IL13RA1: variants seen among roughly 807,000 people sequenced by gnomAD.
IL13RA1 encodes interleukin-13 receptor subunit alpha-1.
IL13RA1 carries 14 observed loss-of-function variants against 33.8 expected under a neutral mutation model. That is an observed-to-expected ratio of 0.41 (90% CI 0.27 to 0.65). The LOEUF is 0.65. Ranked by LOEUF, IL13RA1 falls within the 30% of genes least tolerant of loss-of-function variation. The pLI, the probability that IL13RA1 is intolerant of heterozygous loss-of-function variation, is 0.28. For missense variants in IL13RA1, 313 were observed against 327.0 expected (o/e 0.96, Z 0.33); for synonymous variants, 116 against 115.7 (o/e 1.00, Z -0.02).
chrX:118,800,808 C>T, the IL13RA1 span, among the ~76,000 whole-genome samples: 3 of 109,906 alleles, frequency 2.7e-5, no homozygotes, highest in Non-Finnish European at 5.7e-5. Context: ...TTTTTTGAGA[C>T]AGGGTCTCAC....
intron 6 of IL13RA1, among the ~76,000 whole-genome samples, chrX:118,765,902 C>T (rs1266274669): frequency 6.2e-5 from 7 of 112,056 alleles, no homozygotes; most frequent in African/African-American, 1.9e-4. Context: ...GATGTTTATT[C>T]GCAACTTGCT....
chrX:118,740,657 G>A (rs968119518), intron 1 of IL13RA1, among the ~76,000 whole-genome samples: 1 of 112,051 alleles, frequency 8.9e-6, no homozygotes, highest in African/African-American at 3.3e-5. Context: ...GCCAGGCGTG[G>A]TGGCATGTGC....
At chrX:118,741,758 T>A (rs1459817728) in intron 2 of IL13RA1, among the ~76,000 whole-genome samples, 3 of 112,112 alleles carry the variant, frequency 2.7e-5, no homozygotes, top group Non-Finnish European at 5.6e-5. Context: ...TTCAACTTTT[T>A]TTTCAAAATC....
rs926754954 is a variant in IL13RA1, at chrX:118,782,191, G to T, written c.1191+5680G>T. ...GAGCTCAAGCAGTTTTCCTGCCTCAGCCTCCTGAATAGCTGGGACTATAGT... is the reference window on the plus strand; with the variant it reads ...GAGCTCAAGCAGTTTTCCTGCCTCATCCTCCTGAATAGCTGGGACTATAGT... On this transcript the variant is annotated intron_variant, in intron 10 of 10. Coordinates refer to ENST00000371666, the MANE Select transcript of IL13RA1 (RefSeq NM_001560.3). 5.4e-5 allele frequency among the ~76,000 whole-genome samples: 6 copies of T among 111,505 alleles called. No individual in the cohort carries two copies. In the South Asian group the frequency reaches 1.1e-3, roughly 21 times the overall value.
intron 4 of IL13RA1, among the ~76,000 whole-genome samples, chrX:118,752,244 T>G (rs767905414): frequency 8.1e-5 from 9 of 111,385 alleles, no homozygotes; most frequent in Non-Finnish European, 1.5e-4. Context: ...CTGGCCCCTG[T>G]CAACCTCTCC....
chrX:118,769,287 A>G (rs2017684177), intron 8 of IL13RA1, among the ~76,000 whole-genome samples: 1 of 112,393 alleles, frequency 8.9e-6, no homozygotes, highest in African/African-American at 3.2e-5. Flanking sequence ...GGGAAAAATG[A>G]ATTTGTATAT....
chrX:118,763,792 C>A (rs944620067), intron 6 of IL13RA1, among the ~76,000 whole-genome samples: 1 of 108,004 alleles, frequency 9.3e-6, no homozygotes, highest in Non-Finnish European at 1.9e-5. Flanking sequence ...GCACAATCAT[C>A]ATTTAATAAA....
At position 118,783,783 on chromosome X, in the gene IL13RA1, C is replaced by T. The variant is rs1205506866; in HGVS notation, c.1191+7272C>T. On this transcript the variant is annotated intron_variant, in intron 10 of 10. Transcript: ENST00000371666. ...ACACACACACACACACACTTCACCACTATACATTCATGCATTTTTTAAATT... is the reference window on the plus strand; with the variant it reads ...ACACACACACACACACACTTCACCATTATACATTCATGCATTTTTTAAATT... 6.7e-5 allele frequency among the ~76,000 whole-genome samples: 7 copies of T among 104,011 alleles called. No homozygotes were observed. In the East Asian group the frequency reaches 2.1e-3, roughly 31 times the overall value. The allele number at this position is 104,011 out of a possible 115,157, so 90.3% of individuals were successfully genotyped here.
intron 1 of IL13RA1, among the ~76,000 whole-genome samples, chrX:118,729,784 C>T (rs2017195772): frequency 8.9e-6 from 1 of 112,134 alleles, no homozygotes; most frequent in Non-Finnish European, 1.9e-5. Context: ...AGTTGAGGCA[C>T]AGTGCGACCA....
chrX:118,776,492 A>G lies in IL13RA1; in HGVS notation c.1172A>G (p.Asp391Gly). Residue 391 changes from aspartate (D) to glycine (G), a missense_variant, in exon 10 of 11, where the codon GAC becomes GGC. Physicochemically the swap from Asp to Gly is moderately conservative, Grantham distance 94. Coordinates refer to ENST00000371666, the MANE Select transcript of IL13RA1 (RefSeq NM_001560.3). ...PGKIFKEMFG[D>G]QNDDTLHWKK... ...AAGATTTTTAAAGAAATGTTTGGAG[A>G]CCAGAATGATGATACTCTGGTAAGA... 1 of 849,492 alleles carries G rather than the reference A, an allele frequency of 1.2e-6. No individual in the cohort carries two copies. The allele number at this position is 849,492 out of a possible 1,213,427, so 70.0% of individuals were successfully genotyped here.
At chrX:118,769,416 C>T (rs1376991289) in intron 8 of IL13RA1, among the ~76,000 whole-genome samples, 1 of 112,513 alleles carries the variant, frequency 8.9e-6, no homozygotes, top group Non-Finnish European at 1.9e-5. Context: ...ACTTACTAAA[C>T]CTCTCTGAGC....
chrX:118,804,543 T>C, the IL13RA1 span, among the ~76,000 whole-genome samples: 2 of 111,599 alleles, frequency 1.8e-5, no homozygotes, highest in Non-Finnish European at 3.8e-5. Flanking sequence ...ATAAACAAAT[T>C]GGAAATGTGA....
At chrX:118,786,134 A>G in intron 10 of IL13RA1, among the ~76,000 whole-genome samples, 1 of 110,804 alleles carries the variant, frequency 9.0e-6, no homozygotes, top group Non-Finnish European at 1.9e-5. Flanking sequence ...TTATTTTAAA[A>G]ATAATTGTCA....
At chrX:118,802,387 C>A in the IL13RA1 span, among the ~76,000 whole-genome samples, 1 of 111,544 alleles carries the variant, frequency 9.0e-6, no homozygotes, top group Non-Finnish European at 1.9e-5. Flanking sequence ...AGTTGGGGGG[C>A]GATGTTAAAG....
intron 8 of IL13RA1, among the ~76,000 whole-genome samples, chrX:118,773,034 A>G (rs980916144): frequency 8.9e-6 from 1 of 112,545 alleles, no homozygotes; most frequent in Non-Finnish European, 1.9e-5. Flanking sequence ...TAGGCTATGA[A>G]AACATTATTT....
Position 118,727,653 on chromosome X carries a change from G to A in IL13RA1, c.15G>A (p.Ala5=). ...CGAGAGGCTGCATGGAGTGGCCGGC[G>A]CGGCTCTGCGGGCTGTGGGCGCTGC... MEWP[A]RLCGLWALLL... The change falls in exon 1 of 11, where the codon GCG becomes GCA. Residue 5 remains alanine, a synonymous_variant. Coordinates refer to ENST00000371666, the MANE Select transcript of IL13RA1 (RefSeq NM_001560.3). The A allele has an allele frequency of 1.1e-6, 1 of 923,014 alleles. No individual in the cohort carries two copies. Among genetic ancestry groups the A allele is most frequent in the Non-Finnish European group, 1.3e-6 (1 of 744,848 alleles). The allele number at this position is 923,014 out of a possible 1,213,427, so 76.1% of individuals were successfully genotyped here. A position where few individuals can be genotyped will look rare whatever the true frequency, so the allele number is the denominator to read the frequency against.
chrX:118,798,935 A>G (rs1339539219), downstream of IL13RA1, among the ~76,000 whole-genome samples: 1 of 112,091 alleles, frequency 8.9e-6, no homozygotes, highest in Non-Finnish European at 1.9e-5. Flanking sequence ...CCACTCCCTC[A>G]GCTTGCAGGG....
At position 118,793,021 on chromosome X, in the gene IL13RA1, T is replaced by G. The variant is rs1238820578; in HGVS notation, c.*1167T>G. Reference sequence around the variant, plus strand: ...TTTGAGACTCCTCAGTTCTTGCCACTTTTTTTTTTAATCTCCACCAGTCAT... The same window carrying G: ...TTTGAGACTCCTCAGTTCTTGCCACGTTTTTTTTTAATCTCCACCAGTCAT... On this transcript the variant is annotated 3_prime_UTR_variant, in exon 11 of 11. Coordinates refer to ENST00000371666, the MANE Select transcript of IL13RA1 (RefSeq NM_001560.3). 2 of 107,252 alleles carry G rather than the reference T, an allele frequency of 1.9e-5. No individual in the cohort carries two copies. Among genetic ancestry groups the G allele is most frequent in the East Asian group, 5.8e-4 (2 of 3,428 alleles). 8.8% of individuals were successfully genotyped at this position (107,252 alleles called of 1,213,427 possible).
intron 8 of IL13RA1, among the ~76,000 whole-genome samples, chrX:118,768,907 T>G (rs1603217571): frequency 8.9e-6 from 1 of 112,271 alleles, no homozygotes; most frequent in Non-Finnish European, 1.9e-5. Context: ...ACATTTCTGT[T>G]GTTGTAAGCC....
Sources: gnomAD v4.1 joint callset for allele counts (sites outside exome capture counted in the v4.1 genomes callset) on GRCh38, gnomAD v4.1.1 for gene constraint, MANE v1.5 for transcripts, NCBI Gene and HGNC (gene_info 2026-07-23, HGNC 2026-07-21) for gene names.